RFTN1: variants seen among roughly 807,000 people sequenced by gnomAD.
RFTN1 encodes the protein raftlin.
A neutral mutation model predicts 46.5 loss-of-function variants in RFTN1; 26 were observed. That is an observed-to-expected ratio of 0.56 (90% CI 0.41 to 0.78). The LOEUF is 0.78. Ranked by LOEUF, RFTN1 falls within the 30% of genes least tolerant of loss-of-function variation. RFTN1 has a pLI of 0.00. For synonymous variants in RFTN1, 261 were observed against 284.2 expected, an observed-to-expected ratio of 0.92 and a Z score of 0.82; for missense variants, 693 against 718.7, an observed-to-expected ratio of 0.96 and a Z score of 0.41.
chr3:16,478,113 G>A (rs551646762), intron 2 of RFTN1, among the ~76,000 whole-genome samples: 45 of 152,310 alleles, frequency 3.0e-4, no homozygotes, highest in African/African-American at 1.1e-3. Context: ...TGGCTGCTAA[G>A]CACTCACAGC....
In RFTN1 at chr3:16,387,570, T is replaced by TTCTCTCTCTCTC. The variant is rs3054539; in HGVS notation, c.442-9480_442-9469dup. Among the ~76,000 whole-genome samples, 2,427 of 116,368 alleles carry TTCTCTCTCTCTC rather than the reference T, an allele frequency of 0.021. 143 individuals are homozygous for TTCTCTCTCTCTC. The highest frequency in any genetic ancestry group is 0.034 in the East Asian group (147 of 4,270). 76.3% of individuals were successfully genotyped at this position (116,368 alleles called of 152,430 possible). On this transcript the variant is annotated intron_variant, in intron 4 of 9. Coordinates refer to ENST00000334133, the MANE Select transcript of RFTN1 (RefSeq NM_015150.2). The surrounding 1 kb of genome is among the most constrained non-coding windows in gnomAD (Gnocchi z 5.2). Reference sequence around the variant, plus strand: ...CACTTCTCTCTTCTATATCCTCAATTTCTCTCTCTCTCTCTCTCTCTCTCT... The same window carrying TTCTCTCTCTCTC: ...CACTTCTCTCTTCTATATCCTCAATTTCTCTCTCTCTCTCTCTCTCTCTCTCTCTCTCTCTCT...
In RFTN1 at chr3:16,370,059, G is replaced by A. The variant is rs767437606; in HGVS notation, c.1030+17C>T. On this transcript the variant is annotated intron_variant, in intron 6 of 9. Transcript: ENST00000334133. This position sits in a 1 kb window ranked among gnomAD's most constrained non-coding sequence, Gnocchi z 5.5. ...GTTCACAAAGGGCCACCCAAGGACT[G>A]TGAATTCCAAACATACCATTCACTA... The A allele has an allele frequency of 6.2e-7, 1 of 1,612,830 alleles. No individual in the cohort carries two copies. Among genetic ancestry groups the A allele is most frequent in the Non-Finnish European group, 8.5e-7 (1 of 1,178,752 alleles).
intron 3 of RFTN1, among the ~76,000 whole-genome samples, chr3:16,409,684 ATTTTTTT>A (rs386396025): frequency 8.2e-6 from 1 of 122,518 alleles, no homozygotes; most frequent in East Asian, 2.3e-4. Context: ...CACCCGGCTA[ATTTTTTT>A]TTTTTTTTTT....
chr3:16,359,089 A>G (rs1214706560), intron 6 of RFTN1, among the ~76,000 whole-genome samples: 1 of 151,456 alleles, frequency 6.6e-6, no homozygotes, highest in African/African-American at 2.4e-5. Context: ...TATAGAATAC[A>G]CTAAGGGAAG....
intron 6 of RFTN1, among the ~76,000 whole-genome samples, chr3:16,364,725 C>T (rs187836943): frequency 2.8e-3 from 432 of 152,248 alleles, no homozygotes; most frequent in African/African-American, 9.2e-3. Context: ...GTATTTGACA[C>T]AATGGAATAG....
rs796273729 is a variant in RFTN1, at chr3:16,410,214, C to T, written c.333-731G>A. On this transcript the variant is annotated intron_variant, in intron 3 of 9. Transcript: ENST00000334133. This position sits in a 1 kb window ranked among gnomAD's most constrained non-coding sequence, Gnocchi z 4.6. ...GGTACAATACAGCTTACATGTTATA[C>T]ACACACACACACACACACACACACA... Among the ~76,000 whole-genome samples, 5 of 12,772 alleles carry T rather than the reference C, an allele frequency of 3.9e-4. No individual in the cohort carries two copies. The highest frequency in any genetic ancestry group is 9.1e-4 in the African/African-American group (4 of 4,404). The allele number at this position is 12,772 out of a possible 152,430, so 8.4% of individuals were successfully genotyped here.
chr3:16,396,025 CTT>C (rs1008053675), intron 4 of RFTN1, among the ~76,000 whole-genome samples: 2 of 152,134 alleles, frequency 1.3e-5, no homozygotes, highest in Admixed American at 6.5e-5. Context: ...TAATTTCACT[CTT>C]GTTTTTACTT....
intron 3 of RFTN1, among the ~76,000 whole-genome samples, chr3:16,432,160 C>A (rs1476020209): frequency 6.6e-6 from 1 of 152,138 alleles, no homozygotes; most frequent in Non-Finnish European, 1.5e-5. Flanking sequence ...CACTCAAAAC[C>A]ACTGTGGCCC....
At chr3:16,463,154 G>A (rs2076035744) in intron 2 of RFTN1, among the ~76,000 whole-genome samples, 1 of 152,078 alleles carries the variant, frequency 6.6e-6, no homozygotes, top group Non-Finnish European at 1.5e-5. Context: ...ATTATGCTTG[G>A]AGTTTGTACA....
At chr3:16,359,972 C>T (rs899401528) in intron 6 of RFTN1, among the ~76,000 whole-genome samples, 1 of 151,356 alleles carries the variant, frequency 6.6e-6, no homozygotes, top group South Asian at 2.1e-4. Flanking sequence ...CCCAAGAGAC[C>T]CCATAAACAA....
intron 2 of RFTN1, among the ~76,000 whole-genome samples, chr3:16,488,786 T>C (rs2076494107): frequency 6.6e-6 from 1 of 152,216 alleles, no homozygotes; most frequent in African/African-American, 2.4e-5. Context: ...TGAGTATCCA[T>C]TTCCTTGTCT....
In RFTN1 at chr3:16,320,762, G is replaced by A. The variant is rs868569826; in HGVS notation, c.1332+2614C>T. Among the ~76,000 whole-genome samples, 3 of 152,160 alleles carry A rather than the reference G, an allele frequency of 2.0e-5. No homozygotes were observed. The highest frequency in any genetic ancestry group is 4.4e-5 in the Non-Finnish European group (3 of 68,008). On this transcript the variant is annotated intron_variant, in intron 9 of 9. Coordinates refer to ENST00000334133, the MANE Select transcript of RFTN1 (RefSeq NM_015150.2). The surrounding 1 kb of genome is among the most constrained non-coding windows in gnomAD (Gnocchi z 4.5). ...ACTGGAGGCCACAGAGGAGCTGGAGGCCACAGAGAATGGGAGGCTGGCAGA... is the reference window on the plus strand; with the variant it reads ...ACTGGAGGCCACAGAGGAGCTGGAGACCACAGAGAATGGGAGGCTGGCAGA...
At position 16,400,817 on chromosome 3, in the gene RFTN1, G is replaced by A. The variant is rs2074582380; in HGVS notation, c.441+8558C>T. 6.6e-6 allele frequency among the ~76,000 whole-genome samples: 1 copy of A among 152,114 alleles called. No homozygotes were observed. Among genetic ancestry groups the A allele is most frequent in the African/African-American group, 2.4e-5 (1 of 41,418 alleles). ...CCAGGGTGGGAGAGGAACTTCATAA[G>A]AAAACAGCGGCCTCCAGGCAGTAGC... is the stretch of plus-strand genomic sequence containing the variant. On this transcript the variant is annotated intron_variant, in intron 4 of 9. Coordinates refer to ENST00000334133, the MANE Select transcript of RFTN1 (RefSeq NM_015150.2). This position sits in a 1 kb window ranked among gnomAD's most constrained non-coding sequence, Gnocchi z 4.5.
rs376426077 is a variant in RFTN1 at position 16,409,500 on chromosome 3, G to A, written c.333-17C>T. 7.5e-5 allele frequency: 113 copies of A among 1,499,994 alleles called. No individual in the cohort carries two copies. Among genetic ancestry groups the A allele is most frequent in the Non-Finnish European group, 9.7e-5 (104 of 1,076,942 alleles). The allele number at this position is 1,499,994 out of a possible 1,614,324, so 92.9% of individuals were successfully genotyped here. ...TTCTGAGATCTGAAGAGAAAGAAAA[G>A]CACACACAGAAACAGATTAATATCT... On this transcript the variant is annotated splice_polypyrimidine_tract_variant and intron_variant, in intron 3 of 9. Coordinates refer to ENST00000334133, the MANE Select transcript of RFTN1 (RefSeq NM_015150.2).
At chr3:16,478,052 T>A (rs1484357904) in intron 2 of RFTN1, among the ~76,000 whole-genome samples, 2 of 152,234 alleles carry the variant, frequency 1.3e-5, no homozygotes, top group Non-Finnish European at 2.9e-5. Context: ...GGACCACTCT[T>A]GTTGATGGTC....
intron 4 of RFTN1, among the ~76,000 whole-genome samples, chr3:16,398,110 G>T (rs1220734561): frequency 6.6e-6 from 1 of 151,998 alleles, no homozygotes; most frequent in Non-Finnish European, 1.5e-5. Context: ...AGCTGGGCGT[G>T]GTGGCGGGCG....
rs1264885721 is a variant in RFTN1 at position 16,443,894 on chromosome 3, T to A, written c.146-9857A>T. Among the ~76,000 whole-genome samples, 1 of 152,096 alleles carries A rather than the reference T, an allele frequency of 6.6e-6. No individual in the cohort carries two copies. Among genetic ancestry groups the A allele is most frequent in the East Asian group, 1.9e-4 (1 of 5,192 alleles). On this transcript the variant is annotated intron_variant, in intron 2 of 9. Coordinates refer to ENST00000334133, the MANE Select transcript of RFTN1 (RefSeq NM_015150.2). The surrounding 1 kb of genome is among the most constrained non-coding windows in gnomAD (Gnocchi z 5.5). ...TCAGAAGATGGCATTATTGTTCACC[T>A]CACCAGTCCATTTTGTCAGAGAAGA...
intron 4 of RFTN1, among the ~76,000 whole-genome samples, chr3:16,391,901 TTAC>T: frequency 8.9e-6 from 1 of 112,024 alleles, no homozygotes; most frequent in Non-Finnish European, 1.8e-5. Context: ...TTTGTTTTTT[TTAC>T]GGGGAAGAAA....
intron 2 of RFTN1, 73 bp downstream of exon 2, chr3:16,493,652 T>C: frequency 9.5e-7 from 1 of 1,049,974 alleles, no homozygotes; most frequent in Admixed American, 2.2e-5. Flanking sequence ...GCTCTCCAAC[T>C]GCACCCCCAT....
Sources: gnomAD v4.1 joint callset for allele counts (sites outside exome capture counted in the v4.1 genomes callset) on GRCh38, gnomAD v4.1.1 for gene constraint, Gnocchi (gnomAD v3.1) non-coding constraint, MANE v1.5 for transcripts, NCBI Gene and HGNC (gene_info 2026-07-23, HGNC 2026-07-21) for gene names.